RADIL: variants seen among roughly 807,000 people sequenced by gnomAD.
RADIL encodes the protein ras-associating and dilute domain-containing protein.
A neutral mutation model predicts 97.6 loss-of-function variants in RADIL; 99 were observed. The ratio of observed to expected loss-of-function variants is 1.01; its 90% confidence interval spans 0.86 to 1.20. The LOEUF (loss-of-function observed/expected upper bound fraction) is 1.20, where lower values mean the gene tolerates loss of function less well. Ranked by LOEUF, RADIL falls within the 50% of genes most tolerant of loss-of-function variation. The pLI, the probability that RADIL is intolerant of heterozygous loss-of-function variation, is 0.00. For missense variants in RADIL, 1,765 were observed against 1,498.9 expected (o/e 1.18, Z -2.93); for synonymous variants, 803 against 691.8 (o/e 1.16, Z -2.52).
rs1257563540 is a variant in RADIL, at chr7:4,872,383, G to A, written c.535+5222C>T. 2.0e-5 allele frequency among the ~76,000 whole-genome samples: 3 copies of A among 152,202 alleles called. No individual in the cohort carries two copies. The highest frequency in any genetic ancestry group is 7.2e-5 in the African/African-American group (3 of 41,456). ...GGGAGGAAGGGAGAAAGCAAGGAAG[G>A]CCAGCCCTCCCCGGGCTCTGCGCGG... On this transcript the variant is annotated intron_variant, in intron 2 of 14. Coordinates refer to ENST00000399583, the MANE Select transcript of RADIL (RefSeq NM_018059.5). This position sits in a 1 kb window ranked among gnomAD's most constrained non-coding sequence, Gnocchi z 5.8.
chr7:4,842,379 A>T lies in RADIL; in HGVS notation c.536-5774T>A, dbSNP rs6958439. On this transcript the variant is annotated intron_variant, in intron 2 of 14. Coordinates refer to ENST00000399583, the MANE Select transcript of RADIL (RefSeq NM_018059.5). The surrounding 1 kb of genome is among the most constrained non-coding windows in gnomAD (Gnocchi z 4.5). The stretch of plus-strand genomic sequence containing the variant: ...GCACATCCTCATCTCCAAGGTGAGA[A>T]ACTCACTCCTGGAGGAAGCGGCGAG... Among the ~76,000 whole-genome samples the T allele has an allele frequency of 0.56, 84,804 of 151,998 alleles. 24,883 individuals carry two copies. Among genetic ancestry groups the T allele is most frequent in the African/African-American group, 0.75 (31,003 of 41,500 alleles).
intron 5 of RADIL, among the ~76,000 whole-genome samples, chr7:4,825,887 A>G (rs1272612291): frequency 4.7e-5 from 5 of 106,494 alleles, no homozygotes; most frequent in Non-Finnish European, 8.5e-5. Flanking sequence ...GTCTCAGAAA[A>G]AAAAAAAAAA....
intron 5 of RADIL, among the ~76,000 whole-genome samples, chr7:4,830,486 A>G (rs1783108780): frequency 1.3e-5 from 2 of 152,190 alleles, no homozygotes; most frequent in Non-Finnish European, 2.9e-5. Context: ...CTAACCCAGG[A>G]GCTGCGCCTT....
At chr7:4,844,924 G>C (rs1783532150) in intron 2 of RADIL, among the ~76,000 whole-genome samples, 1 of 152,026 alleles carries the variant, frequency 6.6e-6, no homozygotes, top group South Asian at 2.1e-4. Flanking sequence ...TTAAAGATCA[G>C]AAGCAAATCA....
At position 4,842,121 on chromosome 7, in the gene RADIL, T is replaced by C. The variant is rs866347391; in HGVS notation, c.536-5516A>G. ...GCAGCGTAGGCCTCGTAAGGGACCA[T>C]GGTTTGCAGACAGGCCTGCCTGGTC... On this transcript the variant is annotated intron_variant, in intron 2 of 14. Coordinates refer to ENST00000399583, the MANE Select transcript of RADIL (RefSeq NM_018059.5). This position sits in a 1 kb window ranked among gnomAD's most constrained non-coding sequence, Gnocchi z 4.5. 6.6e-6 allele frequency among the ~76,000 whole-genome samples: 1 copy of C among 150,720 alleles called. No homozygotes were observed. The highest frequency in any genetic ancestry group is 1.5e-5 in the Non-Finnish European group (1 of 67,802).
intron 2 of RADIL, among the ~76,000 whole-genome samples, chr7:4,876,837 G>A (rs1326972711): frequency 6.6e-6 from 1 of 152,204 alleles, no homozygotes; most frequent in Non-Finnish European, 1.5e-5. Context: ...GGTACGCTGA[G>A]TGCACCGTGG....
chr7:4,869,756 C>T (rs1415549942), intron 2 of RADIL, among the ~76,000 whole-genome samples: 1 of 152,142 alleles, frequency 6.6e-6, no homozygotes, highest in African/African-American at 2.4e-5. Flanking sequence ...TGTCTCAAGA[C>T]TAATAAGGTC....
At chr7:4,876,441 C>A (rs1784377877) in intron 2 of RADIL, among the ~76,000 whole-genome samples, 2 of 152,066 alleles carry the variant, frequency 1.3e-5, no homozygotes, top group African/African-American at 4.8e-5. Flanking sequence ...GCTGGGATTA[C>A]AGGCGCCTGC....
rs766986995 is a variant in RADIL at position 4,877,992 on chromosome 7, C to T, written c.148G>A (p.Asp50Asn). The T allele has an allele frequency of 5.6e-6, 9 of 1,610,488 alleles. No individual in the cohort carries two copies. The highest frequency in any genetic ancestry group is 2.2e-5 in the South Asian group (2 of 90,900). The change falls in exon 2 of 15, where the codon GAT becomes AAT. Residue 50 changes from aspartate to asparagine, a missense_variant. Coordinates refer to ENST00000399583, the MANE Select transcript of RADIL (RefSeq NM_018059.5). ...DSTFSSLGAS[D>N]DPAELSTQLS... is the part of the protein sequence containing the mutation. ...TGGGTGGAGAGCTCGGCGGGGTCAT[C>T]GCTGGCGCCCAGGCTGGAGAAGGTG...
intron 2 of RADIL, among the ~76,000 whole-genome samples, chr7:4,851,029 C>T (rs1783695654): frequency 6.6e-6 from 1 of 151,804 alleles, no homozygotes; most frequent in Admixed American, 6.6e-5. Context: ...TGGTGAAACC[C>T]CATCTCTACT....
In RADIL at chr7:4,798,288, G is replaced by A. The variant is rs1562422010; in HGVS notation, c.*1090C>T. Reference sequence around the variant, plus strand: ...GCACCTCGCCGTAGCGCACACCAGGGGGCAGCGTGGAGCTGCACGAGGCCC... The same window carrying A: ...GCACCTCGCCGTAGCGCACACCAGGAGGCAGCGTGGAGCTGCACGAGGCCC... On this transcript the variant is annotated 3_prime_UTR_variant, in exon 15 of 15. Transcript: ENST00000399583. The A allele has an allele frequency of 6.6e-6, 1 of 152,130 alleles. No homozygotes were observed. The highest frequency in any genetic ancestry group is 6.5e-5 in the Admixed American group (1 of 15,276). 9.4% of individuals were successfully genotyped at this position (152,130 alleles called of 1,614,324 possible).
At position 4,835,937 on chromosome 7, in the gene RADIL, T is replaced by C. The variant is rs1783286701; in HGVS notation, c.783+421A>G. Among the ~76,000 whole-genome samples the C allele has an allele frequency of 6.6e-6, 1 of 152,194 alleles. No individual in the cohort carries two copies. Among genetic ancestry groups the C allele is most frequent in the Non-Finnish European group, 1.5e-5 (1 of 68,020 alleles). ...AGATAGGGGTGGCATGGGCCTTTGC[T>C]CGGTGCCCCTTCAGAGAATGTGGCC... is the stretch of plus-strand genomic sequence containing the variant. On this transcript the variant is annotated intron_variant, in intron 3 of 14. Coordinates refer to ENST00000399583, the MANE Select transcript of RADIL (RefSeq NM_018059.5). This position sits in a 1 kb window ranked among gnomAD's most constrained non-coding sequence, Gnocchi z 5.8.
At chr7:4,876,687 G>A (rs554655862) in intron 2 of RADIL, among the ~76,000 whole-genome samples, 1 of 152,320 alleles carries the variant, frequency 6.6e-6, no homozygotes, top group East Asian at 1.9e-4. Context: ...TGGGCCCCAG[G>A]CCCCGGGGCT....
At chr7:4,868,119 G>C (rs896892137) in intron 2 of RADIL, among the ~76,000 whole-genome samples, 5 of 152,134 alleles carry the variant, frequency 3.3e-5, no homozygotes, top group African/African-American at 1.2e-4. Context: ...CTGGAGTGCA[G>C]TGGCATGATC....
At chr7:4,858,860 G>A (rs1351557037) in intron 2 of RADIL, 1 of 152,150 alleles carries the variant, frequency 6.6e-6, no homozygotes, top group Non-Finnish European at 1.5e-5. Flanking sequence ...TGACACATAA[G>A]CATACTGTGT....
At chr7:4,875,392 C>CA (rs1318111005) in intron 2 of RADIL, among the ~76,000 whole-genome samples, 3,037 of 138,392 alleles carry the variant, frequency 0.022, 108 homozygotes, top group African/African-American at 0.072. Context: ...GACTCCATCT[C>CA]AAAAAAAAAA....
intron 2 of RADIL, among the ~76,000 whole-genome samples, chr7:4,875,064 C>A (rs563364958): frequency 7.1e-6 from 1 of 140,182 alleles, no homozygotes; most frequent in Non-Finnish European, 1.5e-5. Context: ...TGGTGGCGGG[C>A]GCCTGTAGTC....
rs1221015876 is a variant in RADIL, at chr7:4,840,942, G to C, written c.536-4337C>G. ...AGATCGCACCACTGCACTCCAGCCT[G>C]GGTGACAGAGCGAGACTCCGTCTCA... On this transcript the variant is annotated intron_variant, in intron 2 of 14. Coordinates refer to ENST00000399583, the MANE Select transcript of RADIL (RefSeq NM_018059.5). The surrounding 1 kb of genome is among the most constrained non-coding windows in gnomAD (Gnocchi z 5.6). Among the ~76,000 whole-genome samples the C allele has an allele frequency of 2.6e-5, 4 of 152,338 alleles. No homozygotes were observed. Among genetic ancestry groups the C allele is most frequent in the Admixed American group, 1.3e-4 (2 of 15,294 alleles).
rs112131683 is a variant in RADIL, at chr7:4,819,393, C to T, written c.1616-2042G>A. Among the ~76,000 whole-genome samples the T allele has an allele frequency of 1.3e-4, 20 of 152,192 alleles. No individual in the cohort carries two copies. Among genetic ancestry groups the T allele is most frequent in the East Asian group, 7.7e-4 (4 of 5,180 alleles). ...GACTCCATTTCTAAACCCCCGGAGA[C>T]GCCTCTCCCTGTGGTACCAGGGCTG... On this transcript the variant is annotated intron_variant, in intron 6 of 14. Coordinates refer to ENST00000399583, the MANE Select transcript of RADIL (RefSeq NM_018059.5). The surrounding 1 kb of genome is among the most constrained non-coding windows in gnomAD (Gnocchi z 5.8).
Sources: allele counts gnomAD v4.1 joint callset (sites outside exome capture counted in the v4.1 genomes callset), GRCh38; gene constraint gnomAD v4.1.1; non-coding constraint Gnocchi (gnomAD v3.1); transcripts MANE v1.5; gene names NCBI Gene and HGNC (gene_info 2026-07-23, HGNC 2026-07-21).